The following ANKRD30BL variants were observed in gnomAD, a reference collection of about 807,000 sequenced individuals.
The protein encoded by ANKRD30BL is ankyrin repeat domain 30B like.
A neutral mutation model predicts 18.4 loss-of-function variants in ANKRD30BL; 20 were observed. The ratio of observed to expected loss-of-function variants is 1.09; its 90% CI spans 0.77 to 1.58. The LOEUF is 1.58. ANKRD30BL is among the 40% of genes most tolerant of loss of function. ANKRD30BL has a pLI of 0.00. For missense variants in ANKRD30BL, 224 were observed against 268.6 expected, an observed-to-expected ratio of 0.83 and a Z score of 1.16; for synonymous variants, 72 against 100.9, an observed-to-expected ratio of 0.71 and a Z score of 1.72.
intron 1 of ANKRD30BL, among the ~76,000 whole-genome samples, chr2:132,220,654 G>A (rs1278705147): frequency 5.3e-5 from 8 of 152,194 alleles, no homozygotes; most frequent in East Asian, 1.9e-4. Flanking sequence ...ACGGAGTCTC[G>A]TTCACTCAGT....
At position 132,179,291 on chromosome 2, in the gene ANKRD30BL, CTT is replaced by C. The variant is rs61427674; in HGVS notation, n.442-22147_442-22146del. ...ATATTTACTACTCTATTCTTTTTATCTTTTTTTTTTTTTTGAGATGGAGTCTC... is the reference window on the plus strand; with the variant it reads ...ATATTTACTACTCTATTCTTTTTATCTTTTTTTTTTTTGAGATGGAGTCTC... On this transcript the variant is annotated intron_variant and non_coding_transcript_variant, in intron 1 of 4. Transcript: ENST00000470729. Among the ~76,000 whole-genome samples the C allele has an allele frequency of 4.0e-3, 558 of 138,764 alleles. 3 individuals are homozygous for C. The highest frequency in any genetic ancestry group is 0.011 in the African/African-American group (411 of 36,480). The allele number at this position is 138,764 out of a possible 152,430, so 91.0% of individuals were successfully genotyped here. A position where few individuals can be genotyped will look rare whatever the true frequency, so the allele number is the denominator to read the frequency against.
intron 1 of ANKRD30BL, among the ~76,000 whole-genome samples, chr2:132,175,825 C>T (rs1237272709): frequency 2.6e-5 from 4 of 152,278 alleles, no homozygotes; most frequent in South Asian, 2.1e-4. Context: ...TCCTGCACAG[C>T]CCTAGATCCC....
intron 1 of ANKRD30BL, among the ~76,000 whole-genome samples, chr2:132,218,178 TCA>T (rs575500407): frequency 1.9e-3 from 295 of 152,400 alleles, no homozygotes; most frequent in African/African-American, 6.7e-3. Flanking sequence ...TGCATTCAAC[TCA>T]CAGAGTTGAA....
At chr2:132,162,731 G>T (rs1307619918), upstream of ANKRD30BL, among the ~76,000 whole-genome samples, 2 of 152,390 alleles carry the variant, frequency 1.3e-5, no homozygotes, top group Admixed American at 6.5e-5. Context: ...TGTGGCACAC[G>T]CCCTCCCACT....
At chr2:132,236,532 C>G (rs1174588380) in intron 1 of ANKRD30BL, among the ~76,000 whole-genome samples, 1 of 152,104 alleles carries the variant, frequency 6.6e-6, no homozygotes, top group South Asian at 2.1e-4. Flanking sequence ...AAATGCTCAT[C>G]ATCACTGGCC....
intron 1 of ANKRD30BL, among the ~76,000 whole-genome samples, chr2:132,175,384 GGAGTA>G (rs1688349299): frequency 1.3e-5 from 2 of 152,200 alleles, no homozygotes; most frequent in African/African-American, 4.8e-5. Flanking sequence ...ACATCTCAGT[GGAGTA>G]AAGAACAATA....
At position 132,222,197 on chromosome 2, in the gene ANKRD30BL, G is replaced by A. The variant is rs368159156; in HGVS notation, n.441+35332C>T. Among the ~76,000 whole-genome samples the A allele has an allele frequency of 1.0e-3, 143 of 142,798 alleles. 2 individuals carry two copies. The highest frequency in any genetic ancestry group is 6.5e-3 in the South Asian group (30 of 4,594). The allele number at this position is 142,798 out of a possible 152,430, so 93.7% of individuals were successfully genotyped here. A position where few individuals can be genotyped will look rare whatever the true frequency, so the allele number is the denominator to read the frequency against. On this transcript the variant is annotated intron_variant and non_coding_transcript_variant, in intron 1 of 4. Transcript: ENST00000470729. ...GCCCCTCTGCCTGGCCAGCCGCCCC[G>A]TCCGGGAGGGTGGTGGGGGGGTCAG...
chr2:132,233,946 C>T (rs1460923253), intron 1 of ANKRD30BL, among the ~76,000 whole-genome samples: 2 of 152,102 alleles, frequency 1.3e-5, no homozygotes, highest in Non-Finnish European at 2.9e-5. Context: ...GTAAAGCTCT[C>T]CTCAGCAAAT....
chr2:132,220,786 C>A (rs1263884311), intron 1 of ANKRD30BL, among the ~76,000 whole-genome samples: 1 of 151,490 alleles, frequency 6.6e-6, no homozygotes, highest in African/African-American at 2.4e-5. Context: ...CGGCCGCCAC[C>A]CCGTCTGGGA....
chr2:132,201,562 C>G (rs1318689342), intron 1 of ANKRD30BL, among the ~76,000 whole-genome samples: 2 of 152,186 alleles, frequency 1.3e-5, no homozygotes, highest in Non-Finnish European at 2.9e-5. Context: ...CACTGGCCAT[C>G]AGAGAAATGC....
chr2:132,208,399 T>C (rs192739487), intron 1 of ANKRD30BL, among the ~76,000 whole-genome samples: 1,596 of 152,186 alleles, frequency 0.01, 28 homozygotes, highest in African/African-American at 0.036. Flanking sequence ...CACATTTTTG[T>C]CATTTGCTCG....
chr2:132,212,874 A>G (rs1679394970), intron 1 of ANKRD30BL, among the ~76,000 whole-genome samples: 1 of 152,024 alleles, frequency 6.6e-6, no homozygotes. Context: ...CATCTCACAG[A>G]GTTGTAACTT....
At chr2:132,150,083 C>T (rs571701399) in intron 5 of ANKRD30BL, among the ~76,000 whole-genome samples, 1 of 152,144 alleles carries the variant, frequency 6.6e-6, no homozygotes, top group South Asian at 2.1e-4. Flanking sequence ...GGGGGATCAG[C>T]ACCCTAACTC....
intron 1 of ANKRD30BL, among the ~76,000 whole-genome samples, chr2:132,183,282 C>T (rs1042332037): frequency 1.3e-5 from 2 of 151,858 alleles, no homozygotes; most frequent in African/African-American, 4.8e-5. Context: ...CAGACATGTG[C>T]CATCATGCCC....
At chr2:132,250,213 G>A (rs1393794066) in intron 1 of ANKRD30BL, among the ~76,000 whole-genome samples, 2 of 151,946 alleles carry the variant, frequency 1.3e-5, no homozygotes, top group Admixed American at 6.6e-5. Flanking sequence ...TTTGCAGATT[G>A]TACAAGAACA....
At position 132,216,252 on chromosome 2, in the gene ANKRD30BL, T is replaced by C. The variant is rs199531987; in HGVS notation, n.441+41277A>G. On this transcript the variant is annotated intron_variant and non_coding_transcript_variant, in intron 1 of 4. Coordinates refer to the ANKRD30BL transcript ENST00000470729. Reference sequence around the variant, plus strand: ...TGATGTGTGCATTCATCTCAGGGAATTGAAACTTACTTTTGATTGAGCAGT... The same window carrying C: ...TGATGTGTGCATTCATCTCAGGGAACTGAAACTTACTTTTGATTGAGCAGT... 1.1e-4 allele frequency among the ~76,000 whole-genome samples: 17 copies of C among 152,168 alleles called. No individual in the cohort carries two copies. In the East Asian group the frequency reaches 2.7e-3, roughly 24 times the overall value.
At chr2:132,205,888 C>G (rs1679202781) in intron 1 of ANKRD30BL, among the ~76,000 whole-genome samples, 1 of 151,506 alleles carries the variant, frequency 6.6e-6, no homozygotes, top group South Asian at 2.1e-4. Context: ...AGGCTGGGCA[C>G]AGTGGCTCAT....
intron 1 of ANKRD30BL, among the ~76,000 whole-genome samples, chr2:132,219,935 T>C (rs1331960495): frequency 1.3e-5 from 2 of 152,052 alleles, no homozygotes; most frequent in Non-Finnish European, 2.9e-5. Flanking sequence ...AACACTCTTT[T>C]TGCAGAATCT....
chr2:132,233,006 C>T (rs1418753905), intron 1 of ANKRD30BL, among the ~76,000 whole-genome samples: 3 of 152,066 alleles, frequency 2.0e-5, no homozygotes, highest in African/African-American at 7.2e-5. Context: ...ACCCTACAAG[C>T]CAGAAGAGAG....
Sources: gnomAD v4.1 joint callset for allele counts (sites outside exome capture counted in the v4.1 genomes callset) on GRCh38, gnomAD v4.1.1 for gene constraint, MANE v1.5 for transcripts, NCBI Gene and HGNC (gene_info 2026-07-23, HGNC 2026-07-21) for gene names.